ICAM2: variants seen among roughly 807,000 people sequenced by gnomAD.
The protein encoded by ICAM2 is ICAM-2.
In ICAM2, 14 loss-of-function variants were observed where a neutral mutation model predicts 19.1. The ratio of observed to expected loss-of-function variants is 0.73; its 90% confidence interval spans 0.48 to 1.15. The LOEUF (loss-of-function observed/expected upper bound fraction) is 1.15. ICAM2 is among the 50% of genes most tolerant of loss of function. The pLI, the probability that ICAM2 is intolerant of heterozygous loss-of-function variation, is 0.00. For synonymous variants in ICAM2, 153 were observed against 152.7 expected, an observed-to-expected ratio of 1.00 and a Z score of -0.01; for missense variants, 311 against 355.4, an observed-to-expected ratio of 0.88 and a Z score of 1.00.
At chr17:64,020,438 G>C (rs967915209) in intron 1 of ICAM2, 85 bp downstream of exon 1, 1 of 152,460 alleles carries the variant, frequency 6.6e-6, no homozygotes, top group African/African-American at 2.4e-5. Flanking sequence ...GAGGGGAACG[G>C]ACTAAAACTC....
intron 1 of ICAM2, among the ~76,000 whole-genome samples, chr17:64,018,671 G>A (rs1167290815): frequency 6.8e-6 from 1 of 147,572 alleles, no homozygotes; most frequent in Non-Finnish European, 1.5e-5. Context: ...CCCTAGAAAC[G>A]CTGTCACACT....
intron 1 of ICAM2, among the ~76,000 whole-genome samples, chr17:64,009,016 G>A (rs115828370): frequency 0.012 from 1,816 of 152,222 alleles, 48 homozygotes; most frequent in African/African-American, 0.041. Flanking sequence ...GGGACACACC[G>A]GGCATGTGAC....
In ICAM2 at chr17:64,003,935, G is replaced by A; in HGVS notation, c.358C>T (p.Gln120Ter). Residue 120 changes from glutamine (Q) to a stop codon, truncating the protein, a stop_gained, in exon 4 of 5, where the codon CAA (glutamine) becomes TAA (stop). Coordinates refer to ENST00000579788, the MANE Select transcript of ICAM2 (RefSeq NM_001099789.2). LOFTEE classifies it high-confidence loss of function. The stretch of plus-strand genomic sequence containing the variant: ...TTGCCCACAGCCACCAAAGTGGGTT[G>A]CAGTGTCAGGATGACCTGCCTTGGA... ...QPPRQVILTL[Q>*]PTLVAVGKSF... 1 of 1,613,638 alleles carries A rather than the reference G, an allele frequency of 6.2e-7. No individual in the cohort carries two copies. Among genetic ancestry groups the A allele is most frequent in the Non-Finnish European group, 8.5e-7 (1 of 1,179,760 alleles).
At chr17:64,011,986 T>C (rs569262609) in intron 1 of ICAM2, among the ~76,000 whole-genome samples, 109 of 152,338 alleles carry the variant, frequency 7.2e-4, no homozygotes, top group African/African-American at 2.6e-3. Context: ...TGCAGCATTA[T>C]TCACAATAGA....
At chr17:64,010,547 A>AG (rs1255955613) in intron 1 of ICAM2, among the ~76,000 whole-genome samples, 4 of 151,430 alleles carry the variant, frequency 2.6e-5, no homozygotes. Flanking sequence ...AAAGAAAAAA[A>AG]AAAAAAACTA....
Position 64,020,516 on chromosome 17 carries a change from A to G in ICAM2, c.-45+7T>C, listed in dbSNP as rs1207472323. The G allele has an allele frequency of 6.6e-6, 1 of 152,154 alleles. No individual in the cohort carries two copies. 9.4% of individuals were successfully genotyped at this position (152,154 alleles called of 1,614,324 possible). A position where few individuals can be genotyped will look rare whatever the true frequency, so the allele number is the denominator to read the frequency against. On this transcript the variant is annotated splice_region_variant and intron_variant, in intron 1 of 4. Coordinates refer to ENST00000579788, the MANE Select transcript of ICAM2 (RefSeq NM_001099789.2). ...CATTGGAGGGAAAGTGAGAAGCTCAACCTTACCCCTGTGGGCTCCAAGAAG... is the reference window on the plus strand; with the variant it reads ...CATTGGAGGGAAAGTGAGAAGCTCAGCCTTACCCCTGTGGGCTCCAAGAAG...
chr17:64,004,730 C>T (rs1279367987), intron 3 of ICAM2: 1 of 336,470 alleles, frequency 3.0e-6, no homozygotes, highest in African/African-American at 2.1e-5. Flanking sequence ...CCCTGGGCGA[C>T]ACTTCAACCT....
chr17:64,003,072 G>C (rs1310103356), intron 4 of ICAM2, 147 bp from the exon 5 acceptor site: 1 of 626,774 alleles, frequency 1.6e-6, no homozygotes, highest in Non-Finnish European at 2.8e-6. Flanking sequence ...GCAGAGATGA[G>C]TGGTGAATGG....
At chr17:64,007,492 C>T (rs1244962504) in intron 1 of ICAM2, among the ~76,000 whole-genome samples, 2 of 152,148 alleles carry the variant, frequency 1.3e-5, no homozygotes, top group Non-Finnish European at 2.9e-5. Context: ...GAACTCCTGA[C>T]CTCAGGTGAT....
At chr17:64,016,695 C>T (rs1911730721) in intron 1 of ICAM2, among the ~76,000 whole-genome samples, 1 of 152,148 alleles carries the variant, frequency 6.6e-6, no homozygotes, top group South Asian at 2.1e-4. Context: ...CATCAGTCAC[C>T]CTCCTTTAAA....
intron 1 of ICAM2, among the ~76,000 whole-genome samples, chr17:64,011,517 CTAAT>C (rs1341180476): frequency 8.5e-5 from 13 of 152,284 alleles, no homozygotes; most frequent in Non-Finnish European, 1.5e-4. Context: ...CCCACCATCA[CTAAT>C]TATTAAGGAA....
intron 1 of ICAM2, among the ~76,000 whole-genome samples, chr17:64,010,540 G>GAAA (rs58057567): frequency 2.2e-4 from 32 of 144,662 alleles, no homozygotes; most frequent in East Asian, 9.9e-4. Flanking sequence ...TTGTTTGAAA[G>GAAA]AAAAAAAAAA....
chr17:64,003,633 TC>T lies in ICAM2; in HGVS notation c.649+10del, dbSNP rs34808193. 6.2e-7 allele frequency: 1 copy of T among 1,605,988 alleles called. No homozygotes were observed. Among genetic ancestry groups the T allele is most frequent in the Non-Finnish European group, 8.5e-7 (1 of 1,174,686 alleles). ...TATCACTCCCAACTCCATCCACGGA[TC>T]CCCCCTCACCATAGATCTCCAACAT... On this transcript the variant is annotated intron_variant, in intron 4 of 4. Transcript: ENST00000579788.
In ICAM2 at chr17:64,005,359, C is replaced by G. The variant is rs1032265973; in HGVS notation, c.76G>C (p.Val26Leu). Residue 26 changes from valine to leucine, a missense_variant, in exon 3 of 5, where the codon GTA (valine) becomes CTA (leucine). Physicochemically the swap from Val to Leu is conservative, Grantham distance 32. Transcript: ENST00000579788. ...LICCPGSDEK[V>L]FEVHVRPKKL... Reference sequence around the variant, plus strand: ...TTTGGCCTCACGTGTACCTCGAATACCTTCTCATCCGATCCTGGAAAACCA... The same window carrying G: ...TTTGGCCTCACGTGTACCTCGAATAGCTTCTCATCCGATCCTGGAAAACCA... The G allele has an allele frequency of 1.2e-6, 2 of 1,612,906 alleles. No individual in the cohort carries two copies. The highest frequency in any genetic ancestry group is 1.3e-5 in the African/African-American group (1 of 74,870).
Position 64,003,716 on chromosome 17 carries a change from C to G in ICAM2, c.577G>C (p.Val193Leu), listed in dbSNP as rs761463215. The change falls in exon 4 of 5, where the codon GTG (valine) becomes CTG (leucine). Residue 193 changes from valine to leucine, a missense_variant. Val to Leu is a conservative substitution (Grantham distance 32). Transcript: ENST00000579788. ...CCACCGCGAGACATCAAGTCCAGCACAGCCAGGCAGGAGAAGTTGCGGTGG... is the reference window on the plus strand; with the variant it reads ...CCACCGCGAGACATCAAGTCCAGCAGAGCCAGGCAGGAGAAGTTGCGGTGG... ...DGHRNFSCLA[V>L]LDLMSRGGNI... The G allele has an allele frequency of 3.1e-6, 5 of 1,614,112 alleles. No individual in the cohort carries two copies. In the African/African-American group the frequency reaches 6.7e-5, roughly 22 times the overall value.
At chr17:64,019,106 T>C (rs1372969401) in intron 1 of ICAM2, among the ~76,000 whole-genome samples, 1 of 152,188 alleles carries the variant, frequency 6.6e-6, no homozygotes, top group East Asian at 1.9e-4. Flanking sequence ...GAATCAATAA[T>C]AGTATCTTCC....
At chr17:64,013,455 C>T (rs1255015015) in intron 1 of ICAM2, among the ~76,000 whole-genome samples, 4 of 151,808 alleles carry the variant, frequency 2.6e-5, no homozygotes, top group African/African-American at 9.7e-5. Flanking sequence ...GAGCCAAGAT[C>T]GTGCCACTGC....
chr17:64,012,162 G>C (rs553941159), intron 1 of ICAM2, among the ~76,000 whole-genome samples: 4 of 152,130 alleles, frequency 2.6e-5, no homozygotes, highest in African/African-American at 9.7e-5. Context: ...AATAAGACAG[G>C]CATAGAAAGG....
intron 1 of ICAM2, among the ~76,000 whole-genome samples, chr17:64,010,268 G>T (rs546328068): frequency 6.6e-6 from 1 of 152,242 alleles, no homozygotes; most frequent in Admixed American, 6.5e-5. Flanking sequence ...TGACCATGAT[G>T]TAGAAGAGAG....
Sources: gnomAD v4.1 joint callset for allele counts (sites outside exome capture counted in the v4.1 genomes callset) on GRCh38, gnomAD v4.1.1 for gene constraint, MANE v1.5 for transcripts, NCBI Gene and HGNC (gene_info 2026-07-23, HGNC 2026-07-21) for gene names.